The following ARHGAP28 variants were observed in gnomAD, a reference collection of about 807,000 sequenced individuals.
The protein encoded by ARHGAP28 is Rho GTPase activating protein 28.
ARHGAP28 carries 56 observed loss-of-function variants against 90.7 expected under a neutral mutation model. The ratio of observed to expected loss-of-function variants is 0.62; its 90% CI spans 0.50 to 0.77. ARHGAP28 has a LOEUF of 0.77. Among genes scored for constraint, ARHGAP28 ranks in the 30% least tolerant of loss-of-function variants. The pLI is 0.00. For missense variants in ARHGAP28, 869 were observed against 900.9 expected, an observed-to-expected ratio of 0.96 and a Z score of 0.45; for synonymous variants, 308 against 323.3, an observed-to-expected ratio of 0.95 and a Z score of 0.51.
intron 1 of ARHGAP28, among the ~76,000 whole-genome samples, chr18:6,734,995 G>A (rs2055913708): frequency 6.6e-6 from 1 of 152,128 alleles, no homozygotes; most frequent in Non-Finnish European, 1.5e-5. Context: ...GGTATCATAT[G>A]GCTAAATATT....
intron 7 of ARHGAP28, 80 bp from the exon 8 acceptor site, chr18:6,873,329 A>G (rs1014636428): frequency 7.6e-6 from 9 of 1,191,136 alleles, no homozygotes; most frequent in East Asian, 4.7e-5. Flanking sequence ...ATAGATTTAG[A>G]GTGTCCAGGT....
rs529224474 is a variant in ARHGAP28, at chr18:6,797,811, G to A, written c.123-26951G>A. On this transcript the variant is annotated intron_variant, in intron 1 of 17. Coordinates refer to ENST00000383472, the MANE Select transcript of ARHGAP28 (RefSeq NM_001366230.1). Reference sequence around the variant, plus strand: ...TGAATAGCTGTGGTTACAGTCACGCGCCACCACACCCGGCTAATTTTTGTA... The same window carrying A: ...TGAATAGCTGTGGTTACAGTCACGCACCACCACACCCGGCTAATTTTTGTA... 4.1e-4 allele frequency among the ~76,000 whole-genome samples: 62 copies of A among 152,022 alleles called. 1 individual carries two copies. The South Asian group carries it at 0.012, about 30-fold the overall frequency.
In ARHGAP28 at chr18:6,873,549, C is replaced by T. The variant is rs2057106226; in HGVS notation, c.1095C>T (p.Asn365=). ...FDAFGIQLKR[N]KTEKVKGRDN... ...CCTTTGGAATTCAACTGAAAAGGAA[C>T]AAAACAGAGAAAGTAAAAGGACGAG... Residue 365 remains asparagine (N), a synonymous_variant, in exon 8 of 18, where the codon AAC becomes AAT. Transcript: ENST00000383472. 1.9e-6 allele frequency: 3 copies of T among 1,613,402 alleles called. No individual in the cohort carries two copies. The highest frequency in any genetic ancestry group is 2.2e-5 in the South Asian group (2 of 90,834).
chr18:6,882,229 G>A lies in ARHGAP28; in HGVS notation c.1383G>A (p.Ala461=), dbSNP rs80166861. 1,181 of 1,614,012 alleles carry A rather than the reference G, an allele frequency of 7.3e-4. 7 individuals are homozygous for A. The African/African-American group carries it at 0.013, about 18-fold the overall frequency. Residue 461 remains alanine, a synonymous_variant, in exon 11 of 18, where the codon GCG becomes GCA. Transcript: ENST00000383472. The part of the protein sequence containing the change: ...CHREAAVMLK[A]FFRELPTSLF... ...GAGAAGCTGCAGTAATGTTGAAAGC[G>A]TTTTTCAGAGAACTACCCACCTCTC... is the stretch of plus-strand genomic sequence containing the variant.
At chr18:6,849,076 C>A (rs1246879887) in intron 3 of ARHGAP28, among the ~76,000 whole-genome samples, 4 of 150,796 alleles carry the variant, frequency 2.7e-5, no homozygotes, top group Non-Finnish European at 5.9e-5. Context: ...AAAGCGAGAA[C>A]CTGTCTCTAG....
chr18:6,853,554 C>T (rs2143291617), intron 4 of ARHGAP28, among the ~76,000 whole-genome samples: 1 of 151,676 alleles, frequency 6.6e-6, no homozygotes, highest in East Asian at 1.9e-4. Flanking sequence ...CTAACTGCAA[C>T]CTCCGCCTCC....
rs564416463 is a variant in ARHGAP28 at position 6,803,437 on chromosome 18, T to C, written c.123-21325T>C. ...TTGTAGTCGCAGGATGAACTCCATT[T>C]GGTTATGATGCATTATATTTTTTAT... On this transcript the variant is annotated intron_variant, in intron 1 of 17. Transcript: ENST00000383472. Among the ~76,000 whole-genome samples the C allele has an allele frequency of 2.6e-5, 4 of 152,298 alleles. No homozygotes were observed. The South Asian group carries it at 6.2e-4, about 24-fold the overall frequency.
At chr18:6,827,997 G>A (rs2056685976) in intron 2 of ARHGAP28, among the ~76,000 whole-genome samples, 1 of 152,184 alleles carries the variant, frequency 6.6e-6, no homozygotes, top group South Asian at 2.1e-4. Context: ...GGCCAAGGCA[G>A]GCTGCTGGGA....
At chr18:6,760,779 G>A (rs1465455199) in intron 1 of ARHGAP28, among the ~76,000 whole-genome samples, 1 of 152,076 alleles carries the variant, frequency 6.6e-6, no homozygotes, top group Non-Finnish European at 1.5e-5. Flanking sequence ...TTAATTCATT[G>A]GAAGGGATTT....
In ARHGAP28 at chr18:6,882,418, T is replaced by C. The variant is rs150926431; in HGVS notation, c.1453+119T>C. 2,987 of 947,594 alleles carry C rather than the reference T, an allele frequency of 3.2e-3. 7 individuals carry two copies. The highest frequency in any genetic ancestry group is 3.7e-3 in the Non-Finnish European group (2,452 of 668,060). 58.7% of individuals were successfully genotyped at this position (947,594 alleles called of 1,614,324 possible). ...AGATTTGCTGTGTCCTGACAGTGCT[T>C]GGTGGAATATTAAGTTTGATGGCAA... On this transcript the variant is annotated intron_variant, in intron 11 of 17. Coordinates refer to ENST00000383472, the MANE Select transcript of ARHGAP28 (RefSeq NM_001366230.1).
At chr18:6,909,096 T>TAA (rs1280590136) in intron 17 of ARHGAP28, 72 bp downstream of exon 17, 1 of 907,468 alleles carries the variant, frequency 1.1e-6, no homozygotes, top group Non-Finnish European at 1.7e-6. Context: ...GCTATAATCA[T>TAA]AAAGGTATGT....
intron 1 of ARHGAP28, among the ~76,000 whole-genome samples, chr18:6,755,703 G>T (rs1225955309): frequency 2.6e-5 from 4 of 152,094 alleles, no homozygotes; most frequent in Non-Finnish European, 4.4e-5. Flanking sequence ...GTATAACCTG[G>T]GGTTTTCTGA....
chr18:6,844,073 G>C (rs1361449015), intron 3 of ARHGAP28, among the ~76,000 whole-genome samples: 1 of 152,004 alleles, frequency 6.6e-6, no homozygotes, highest in Non-Finnish European at 1.5e-5. Context: ...ACATTTAACT[G>C]GGCAAAATAG....
intron 17 of ARHGAP28, among the ~76,000 whole-genome samples, chr18:6,911,140 T>A (rs573210): frequency 1.3e-5 from 2 of 152,152 alleles, no homozygotes; most frequent in Non-Finnish European, 2.9e-5. Flanking sequence ...GGCCAGCTCT[T>A]GGTAGTTTTG....
At chr18:6,904,791 T>G (rs1417677973) in intron 16 of ARHGAP28, among the ~76,000 whole-genome samples, 1 of 152,168 alleles carries the variant, frequency 6.6e-6, no homozygotes, top group Non-Finnish European at 1.5e-5. Flanking sequence ...AGGATTACTG[T>G]AACAACTTTA....
intron 1 of ARHGAP28, among the ~76,000 whole-genome samples, chr18:6,792,394 A>G (rs1171777187): frequency 6.6e-6 from 1 of 152,258 alleles, no homozygotes; most frequent in African/African-American, 2.4e-5. Context: ...TTAAAACTGC[A>G]TTAACCTCTG....
chr18:6,743,597 T>A (rs548314997), intron 1 of ARHGAP28, among the ~76,000 whole-genome samples: 1 of 152,124 alleles, frequency 6.6e-6, no homozygotes, highest in African/African-American at 2.4e-5. Context: ...ATAACATGCA[T>A]AGAAATAAGA....
At chr18:6,810,554 C>G (rs2056549147) in intron 1 of ARHGAP28, among the ~76,000 whole-genome samples, 1 of 152,076 alleles carries the variant, frequency 6.6e-6, no homozygotes, top group Admixed American at 6.6e-5. Flanking sequence ...CTTGACCTTC[C>G]AATAATCCCA....
Position 6,909,157 on chromosome 18 carries a change from T to G in ARHGAP28, c.2095+133T>G, listed in dbSNP as rs973224990. 3 of 591,472 alleles carry G rather than the reference T, an allele frequency of 5.1e-6. No individual in the cohort carries two copies. The African/African-American group carries it at 5.8e-5, about 11-fold the overall frequency. 36.6% of individuals were successfully genotyped at this position (591,472 alleles called of 1,614,324 possible). A position where few individuals can be genotyped will look rare whatever the true frequency, so the allele number is the denominator to read the frequency against. On this transcript the variant is annotated intron_variant, in intron 17 of 17. Coordinates refer to ENST00000383472, the MANE Select transcript of ARHGAP28 (RefSeq NM_001366230.1). The stretch of plus-strand genomic sequence containing the variant: ...AAAAATCAGTAGGTTTCTGATATTT[T>G]TATCTCATGTGGGAACAGTTGCACA...
Sources: allele counts gnomAD v4.1 joint callset (sites outside exome capture counted in the v4.1 genomes callset), GRCh38; gene constraint gnomAD v4.1.1; transcripts MANE v1.5; gene names NCBI Gene and HGNC (gene_info 2026-07-23, HGNC 2026-07-21).